The following BMPR1B variants were observed in gnomAD, a reference collection of about 807,000 sequenced individuals.
BMPR1B encodes bone morphogenetic protein receptor type-1B.
In BMPR1B, 12 loss-of-function variants were observed where a neutral mutation model predicts 59.1. The observed-to-expected ratio is 0.20, with a 90% CI of 0.13 to 0.33. The LOEUF (loss-of-function observed/expected upper bound fraction) is 0.33, where lower values mean the gene tolerates loss of function less well. Among genes scored for constraint, BMPR1B ranks in the 10% least tolerant of loss-of-function variants. BMPR1B has a pLI of 1.00. For missense variants in BMPR1B, 550 were observed against 610.9 expected (o/e 0.90, Z 1.05); for synonymous variants, 237 against 207.3 (o/e 1.14, Z -1.23).
At chr4:94,967,962 A>G (rs1334226928) in intron 2 of BMPR1B, among the ~76,000 whole-genome samples, 1 of 152,178 alleles carries the variant, frequency 6.6e-6, no homozygotes, top group Non-Finnish European at 1.5e-5. Context: ...AAGAATGACC[A>G]TTTTCTTTAT....
intron 3 of BMPR1B, among the ~76,000 whole-genome samples, chr4:95,000,869 T>C (rs1297688341): frequency 1.3e-5 from 2 of 152,172 alleles, no homozygotes; most frequent in African/African-American, 4.8e-5. Flanking sequence ...AGAAGTTTTT[T>C]GCCAACCAAA....
intron 3 of BMPR1B, among the ~76,000 whole-genome samples, chr4:95,013,207 A>G (rs968197260): frequency 1.3e-5 from 2 of 151,166 alleles, no homozygotes; most frequent in African/African-American, 2.5e-5. Flanking sequence ...CAATGACTAT[A>G]TATCTGTCTA....
chr4:95,134,104 T>C (rs1733590864), intron 10 of BMPR1B, among the ~76,000 whole-genome samples: 2 of 152,144 alleles, frequency 1.3e-5, no homozygotes, highest in Admixed American at 6.6e-5. Context: ...TTCCCACATA[T>C]GAGTGAGAAC....
chr4:94,860,331 G>GT (rs1242048556), intron 1 of BMPR1B, among the ~76,000 whole-genome samples: 1 of 152,148 alleles, frequency 6.6e-6, no homozygotes, highest in Non-Finnish European at 1.5e-5. Flanking sequence ...AGCAACATCA[G>GT]TAAGATGTTG....
At chr4:95,124,778 AT>A (rs1560672622) in intron 7 of BMPR1B, among the ~76,000 whole-genome samples, 1 of 152,154 alleles carries the variant, frequency 6.6e-6, no homozygotes, top group Non-Finnish European at 1.5e-5. Flanking sequence ...TATGTAGTTT[AT>A]TTAGTTTATT....
chr4:95,028,383 TGTG>T (rs1293083813), intron 3 of BMPR1B, among the ~76,000 whole-genome samples: 3 of 152,130 alleles, frequency 2.0e-5, no homozygotes, highest in East Asian at 1.9e-4. Context: ...GTTCATGTAT[TGTG>T]GTGATGGCCT....
intron 2 of BMPR1B, among the ~76,000 whole-genome samples, chr4:94,992,342 T>C (rs1266425951): frequency 6.6e-6 from 1 of 152,222 alleles, no homozygotes; most frequent in Non-Finnish European, 1.5e-5. Context: ...GAGTGCACTG[T>C]TTAATCCACT....
rs373658795 is a variant in BMPR1B at position 94,954,138 on chromosome 4, T to A, written c.-112-41902T>A. Among the ~76,000 whole-genome samples, 27 of 152,316 alleles carry A rather than the reference T, an allele frequency of 1.8e-4. No homozygotes were observed. The South Asian group carries it at 4.1e-3, about 23-fold the overall frequency. ...AGGTCTTTTATGTTCTTCTCTAAAC[T>A]GGTTAGAGAGCATGTTGTCAGATGG... is the stretch of plus-strand genomic sequence containing the variant. On this transcript the variant is annotated intron_variant, in intron 2 of 12. Coordinates refer to ENST00000515059, the MANE Select transcript of BMPR1B (RefSeq NM_001203.3).
intron 1 of BMPR1B, among the ~76,000 whole-genome samples, chr4:94,864,296 T>C (rs1726116213): frequency 6.6e-6 from 1 of 152,094 alleles, no homozygotes; most frequent in Admixed American, 6.6e-5. Context: ...ATTGTCTTCA[T>C]GGTGGGTGGG....
At chr4:95,114,313 A>T (rs186257914) in intron 4 of BMPR1B, among the ~76,000 whole-genome samples, 82 of 152,244 alleles carry the variant, frequency 5.4e-4, no homozygotes, top group African/African-American at 1.9e-3. Context: ...CCTGAGCCTC[A>T]GTTTCCTCAT....
chr4:94,815,615 G>A (rs563172999), intron 1 of BMPR1B, among the ~76,000 whole-genome samples: 29 of 152,228 alleles, frequency 1.9e-4, no homozygotes, highest in Admixed American at 9.8e-4. Flanking sequence ...ATAACATGGT[G>A]CTGGAATTAG....
At chr4:95,097,909 A>T (rs536942677) in intron 3 of BMPR1B, among the ~76,000 whole-genome samples, 1 of 152,304 alleles carries the variant, frequency 6.6e-6, no homozygotes, top group South Asian at 2.1e-4. Context: ...ACTAAATTAC[A>T]TTTAATTTTT....
At chr4:95,089,114 A>G (rs1277189051) in intron 3 of BMPR1B, among the ~76,000 whole-genome samples, 1 of 152,158 alleles carries the variant, frequency 6.6e-6, no homozygotes, top group East Asian at 1.9e-4. Flanking sequence ...AATACAATGT[A>G]TTTATTTCTT....
At chr4:94,801,421 C>T (rs897512468) in intron 1 of BMPR1B, among the ~76,000 whole-genome samples, 29 of 152,230 alleles carry the variant, frequency 1.9e-4, no homozygotes, top group African/African-American at 6.7e-4. Context: ...CAGTTAGAGC[C>T]GACAACCAAA....
At chr4:95,025,094 G>C (rs992717363) in intron 3 of BMPR1B, among the ~76,000 whole-genome samples, 3 of 152,038 alleles carry the variant, frequency 2.0e-5, no homozygotes, top group African/African-American at 7.2e-5. Flanking sequence ...CTCAAAAAAA[G>C]AAAATGAGAA....
chr4:95,070,763 T>TA (rs896460596), intron 3 of BMPR1B, among the ~76,000 whole-genome samples: 1 of 152,078 alleles, frequency 6.6e-6, no homozygotes, highest in Non-Finnish European at 1.5e-5. Flanking sequence ...CTAGATTATT[T>TA]AAAAAATAGA....
intron 1 of BMPR1B, among the ~76,000 whole-genome samples, chr4:94,809,729 G>T (rs1578668994): frequency 2.0e-5 from 3 of 152,198 alleles, no homozygotes; most frequent in Non-Finnish European, 4.4e-5. Context: ...CAATGGACAA[G>T]AATTTGAAGG....
rs142425459 is a variant in BMPR1B, at chr4:95,056,595, G to A, written c.-17-47813G>A. Among the ~76,000 whole-genome samples the A allele has an allele frequency of 1.7e-3, 253 of 152,230 alleles. 2 individuals are homozygous for A. The highest frequency in any genetic ancestry group is 5.9e-3 in the African/African-American group (245 of 41,534). On this transcript the variant is annotated intron_variant, in intron 3 of 12. Transcript: ENST00000515059. ...GTCTCTCTCTGAGGGCCTTGTGCAC[G>A]TTCCACTCTCGCTGTGTGCGTCTGC...
chr4:95,035,629 A>G (rs1407926865), intron 3 of BMPR1B, among the ~76,000 whole-genome samples: 2 of 151,984 alleles, frequency 1.3e-5, no homozygotes, highest in Non-Finnish European at 1.5e-5. Flanking sequence ...ATTCTGTTCC[A>G]TTGGTCTATG....
Sources: allele counts gnomAD v4.1 joint callset (sites outside exome capture counted in the v4.1 genomes callset), GRCh38; gene constraint gnomAD v4.1.1; transcripts MANE v1.5; gene names NCBI Gene and HGNC (gene_info 2026-07-23, HGNC 2026-07-21).